KIAA1328: variants seen among roughly 807,000 people sequenced by gnomAD.
The protein encoded by KIAA1328 is protein hinderin.
In KIAA1328, 52 loss-of-function variants were observed where a neutral mutation model predicts 68.1. That is an observed-to-expected ratio of 0.76 (90% CI 0.61 to 0.96). KIAA1328 has a LOEUF of 0.96. Ranked by LOEUF, KIAA1328 falls within the 40% of genes least tolerant of loss-of-function variation. KIAA1328 has a pLI of 0.00. For synonymous variants in KIAA1328, 232 were observed against 239.4 expected (o/e 0.97, Z 0.28); for missense variants, 641 against 677.6 (o/e 0.95, Z 0.60).
At chr18:37,076,841 A>C (rs532422871) in intron 7 of KIAA1328, among the ~76,000 whole-genome samples, 50 of 152,114 alleles carry the variant, frequency 3.3e-4, no homozygotes, top group Non-Finnish European at 5.9e-4. Flanking sequence ...GGCAATAATC[A>C]ATAGCTTACC....
At chr18:36,880,169 G>C (rs968475125) in intron 4 of KIAA1328, among the ~76,000 whole-genome samples, 3 of 152,172 alleles carry the variant, frequency 2.0e-5, no homozygotes, top group Admixed American at 2.0e-4. Context: ...AGGCACCCGA[G>C]GGAATCTCCT....
chr18:37,223,032 G>A lies in KIAA1328; in HGVS notation c.*805G>A, dbSNP rs2060591570. 1.0e-6 allele frequency: 1 copy of A among 985,076 alleles called. No homozygotes were observed. The highest frequency in any genetic ancestry group is 4.7e-5 in the South Asian group (1 of 21,248). The allele number at this position is 985,076 out of a possible 1,614,324, so 61.0% of individuals were successfully genotyped here. A position where few individuals can be genotyped will look rare whatever the true frequency, so the allele number is the denominator to read the frequency against. ...TCCCTAGGTATTTTTATTTACCCAA[G>A]TGTTCAGCTTATTCACCCCACCCCC... On this transcript the variant is annotated 3_prime_UTR_variant, in exon 10 of 10. Coordinates refer to ENST00000280020, the MANE Select transcript of KIAA1328 (RefSeq NM_020776.3).
chr18:36,841,808 A>C (rs2046868443), intron 3 of KIAA1328, among the ~76,000 whole-genome samples: 1 of 152,196 alleles, frequency 6.6e-6, no homozygotes, highest in Non-Finnish European at 1.5e-5. Flanking sequence ...TACAGTGTAA[A>C]TACATTTTTT....
At chr18:37,129,304 GA>G (rs34477206) in intron 7 of KIAA1328, among the ~76,000 whole-genome samples, 1 of 149,984 alleles carries the variant, frequency 6.7e-6, no homozygotes, top group African/African-American at 2.4e-5. Context: ...ATTTCCAGTG[GA>G]AAAAAAAACC....
intron 5 of KIAA1328, among the ~76,000 whole-genome samples, chr18:36,928,328 A>G (rs1045986224): frequency 2.0e-5 from 3 of 152,162 alleles, no homozygotes; most frequent in African/African-American, 7.2e-5. Flanking sequence ...CTGGTGTGAC[A>G]CTGCTGGAAT....
At chr18:37,020,819 A>C (rs1239694392) in intron 6 of KIAA1328, among the ~76,000 whole-genome samples, 3 of 152,242 alleles carry the variant, frequency 2.0e-5, no homozygotes, top group African/African-American at 7.2e-5. Flanking sequence ...ATACGCACGT[A>C]GGAATGACTG....
At chr18:37,021,903 G>A (rs533787902) in intron 6 of KIAA1328, among the ~76,000 whole-genome samples, 3 of 152,102 alleles carry the variant, frequency 2.0e-5, no homozygotes, top group South Asian at 4.2e-4. Flanking sequence ...AGCTGGACAT[G>A]GTGGCGGGTG....
intron 7 of KIAA1328, among the ~76,000 whole-genome samples, chr18:37,157,691 T>A (rs1006001100): frequency 6.6e-6 from 1 of 150,562 alleles, no homozygotes; most frequent in Non-Finnish European, 1.5e-5. Flanking sequence ...GTGCCTGTAG[T>A]CCCAGCACTC....
chr18:36,899,645 T>C (rs980460699), intron 5 of KIAA1328, among the ~76,000 whole-genome samples: 2 of 152,008 alleles, frequency 1.3e-5, no homozygotes, highest in Admixed American at 6.6e-5. Flanking sequence ...AGCACATATA[T>C]TTCACATTTA....
intron 5 of KIAA1328, among the ~76,000 whole-genome samples, chr18:36,898,330 A>T (rs1227347480): frequency 1.3e-5 from 2 of 151,914 alleles, no homozygotes; most frequent in Non-Finnish European, 2.9e-5. Context: ...TTTTTTGATT[A>T]TTTGAGGAGC....
rs574131433 is a variant in KIAA1328, at chr18:36,852,082, A to AT, written c.332+7787dup. Among the ~76,000 whole-genome samples the AT allele has an allele frequency of 5.6e-3, 844 of 151,928 alleles. 8 individuals are homozygous for AT. Among genetic ancestry groups the AT allele is most frequent in the African/African-American group, 0.018 (738 of 41,454 alleles). The stretch of plus-strand genomic sequence containing the variant: ...TGTGTTAATTTCCACATATTTGTGC[A>AT]TTTTTTTGGTTTTTCTTTTGTTCTT... On this transcript the variant is annotated intron_variant, in intron 4 of 9. Transcript: ENST00000280020.
intron 7 of KIAA1328, among the ~76,000 whole-genome samples, chr18:37,085,581 G>A (rs536332968): frequency 5.9e-5 from 9 of 152,238 alleles, no homozygotes; most frequent in African/African-American, 2.2e-4. Flanking sequence ...TCTTGCTGAC[G>A]TCCCTCTTCC....
rs1413784974 is a variant in KIAA1328, at chr18:36,839,695, G to A, written c.237+4319G>A. On this transcript the variant is annotated intron_variant, in intron 3 of 9. Coordinates refer to ENST00000280020, the MANE Select transcript of KIAA1328 (RefSeq NM_020776.3). ...GTGATAAATTATTTGGAAGCAATTT[G>A]ATTCTTTCCAAGCTTCATTTTGAGC... is the stretch of plus-strand genomic sequence containing the variant. 4.6e-5 allele frequency among the ~76,000 whole-genome samples: 7 copies of A among 152,160 alleles called. No homozygotes were observed. In the East Asian group the frequency reaches 1.3e-3, roughly 29 times the overall value.
chr18:37,018,288 G>A (rs139394083), intron 6 of KIAA1328, among the ~76,000 whole-genome samples: 1 of 152,144 alleles, frequency 6.6e-6, no homozygotes, highest in East Asian at 1.9e-4. Context: ...CTGAAAATAG[G>A]CTCCCAATCT....
chr18:37,136,271 C>T (rs540058031), intron 7 of KIAA1328, among the ~76,000 whole-genome samples: 1 of 152,158 alleles, frequency 6.6e-6, no homozygotes, highest in African/African-American at 2.4e-5. Context: ...ACATGAGGTC[C>T]TATAAATTTA....
intron 6 of KIAA1328, among the ~76,000 whole-genome samples, chr18:37,019,820 A>G (rs1436992511): frequency 2.0e-5 from 3 of 152,186 alleles, no homozygotes; most frequent in African/African-American, 7.2e-5. Flanking sequence ...GTTTCGCTAT[A>G]CCATGACCTA....
chr18:37,094,477 T>C (rs2057349859), intron 7 of KIAA1328, among the ~76,000 whole-genome samples: 1 of 152,192 alleles, frequency 6.6e-6, no homozygotes, highest in South Asian at 2.1e-4. Flanking sequence ...ATGACTCTCA[T>C]TCACATGCTT....
At chr18:37,054,020 G>T (rs2055810594) in intron 6 of KIAA1328, among the ~76,000 whole-genome samples, 1 of 148,714 alleles carries the variant, frequency 6.7e-6, no homozygotes, top group Non-Finnish European at 1.5e-5. Context: ...CTTCACAAAA[G>T]AAGATATGTA....
intron 3 of KIAA1328, among the ~76,000 whole-genome samples, chr18:36,839,156 G>T (rs1363840720): frequency 2.0e-5 from 3 of 152,066 alleles, no homozygotes; most frequent in Non-Finnish European, 4.4e-5. Context: ...AGATATTTTT[G>T]TTTCCCTCTC....
Sources: gnomAD v4.1 joint callset for allele counts (sites outside exome capture counted in the v4.1 genomes callset) on GRCh38, gnomAD v4.1.1 for gene constraint, MANE v1.5 for transcripts, NCBI Gene and HGNC (gene_info 2026-07-23, HGNC 2026-07-21) for gene names.